The following DCC variants were observed in gnomAD, a reference collection of about 807,000 sequenced individuals.
DCC encodes the protein netrin receptor DCC.
Under a neutral mutation model 172.5 loss-of-function variants are expected in DCC, and 58 were observed. That is an observed-to-expected ratio of 0.34 (90% CI 0.27 to 0.42). DCC has a LOEUF of 0.42. Ranked by LOEUF, DCC falls within the 10% of genes least tolerant of loss-of-function variation. The pLI is 1.00. For missense variants in DCC, 1,740 were observed against 1,791.0 expected (o/e 0.97, Z 0.51); for synonymous variants, 709 against 644.5 (o/e 1.10, Z -1.52).
At chr18:52,664,037 C>T (rs971247423) in intron 1 of DCC, among the ~76,000 whole-genome samples, 24 of 152,166 alleles carry the variant, frequency 1.6e-4, no homozygotes, top group Non-Finnish European at 1.5e-4. Context: ...AGAGTGGTCA[C>T]TTCTAAAAGC....
intron 1 of DCC, among the ~76,000 whole-genome samples, chr18:52,700,393 A>C (rs1160729454): frequency 6.6e-6 from 1 of 151,340 alleles, no homozygotes; most frequent in Non-Finnish European, 1.5e-5. Context: ...ACACTCATGC[A>C]CATGCACACA....
Position 53,040,906 on chromosome 18 carries a change from G to A in DCC, c.986-22399G>A, listed in dbSNP as rs368696065. On this transcript the variant is annotated intron_variant, in intron 5 of 28. Transcript: ENST00000442544. ...GTAGAGATAAAAGTTGAAGGGTGCA[G>A]GCAGTAAGAATGCCAAGGATAAGAT... Among the ~76,000 whole-genome samples the A allele has an allele frequency of 4.6e-5, 7 of 151,984 alleles. No individual in the cohort carries two copies. The East Asian group carries it at 1.2e-3, about 25-fold the overall frequency.
intron 2 of DCC, among the ~76,000 whole-genome samples, chr18:52,874,704 T>C (rs1486244389): frequency 6.6e-6 from 1 of 152,076 alleles, no homozygotes; most frequent in Admixed American, 6.6e-5. Flanking sequence ...GAAATGGCCA[T>C]TGAGATACAG....
intron 2 of DCC, among the ~76,000 whole-genome samples, chr18:52,880,099 T>C (rs1030628301): frequency 6.6e-6 from 1 of 152,016 alleles, no homozygotes; most frequent in Non-Finnish European, 1.5e-5. Flanking sequence ...GTCACTCCGT[T>C]GTGCTATCAA....
chr18:52,818,570 C>T (rs1165715098), intron 2 of DCC, among the ~76,000 whole-genome samples: 2 of 151,968 alleles, frequency 1.3e-5, no homozygotes, highest in African/African-American at 4.8e-5. Flanking sequence ...TGCAAATGGC[C>T]TGCTCTGGGA....
chr18:53,504,032 T>C (rs1254017120), intron 27 of DCC, among the ~76,000 whole-genome samples: 1 of 152,218 alleles, frequency 6.6e-6, no homozygotes, highest in Non-Finnish European at 1.5e-5. Flanking sequence ...TTAATTTGTC[T>C]GAGGACTGAA....
chr18:52,502,672 A>T (rs558828288), intron 1 of DCC, among the ~76,000 whole-genome samples: 2 of 151,396 alleles, frequency 1.3e-5, no homozygotes, highest in Non-Finnish European at 3.0e-5. Context: ...TCCAATTTGG[A>T]AGCTGACAAA....
At chr18:52,817,458 G>T (rs2038321493) in intron 2 of DCC, among the ~76,000 whole-genome samples, 1 of 151,902 alleles carries the variant, frequency 6.6e-6, no homozygotes. Context: ...TAAATGATTT[G>T]GTGATTAGTA....
intron 1 of DCC, among the ~76,000 whole-genome samples, chr18:52,700,411 A>C (rs1318131129): frequency 6.6e-6 from 1 of 152,078 alleles, no homozygotes; most frequent in Non-Finnish European, 1.5e-5. Flanking sequence ...ACACACACGC[A>C]CATGCACACA....
intron 1 of DCC, among the ~76,000 whole-genome samples, chr18:52,603,052 T>G (rs2034051185): frequency 6.6e-6 from 1 of 152,112 alleles, no homozygotes; most frequent in African/African-American, 2.4e-5. Context: ...AACACAGTGC[T>G]TTTGAACATG....
At chr18:52,771,404 C>T (rs908581152) in intron 2 of DCC, among the ~76,000 whole-genome samples, 6 of 152,154 alleles carry the variant, frequency 3.9e-5, no homozygotes, top group African/African-American at 7.2e-5. Context: ...ATTTCTCTAG[C>T]GCTTTCTCCC....
intron 1 of DCC, among the ~76,000 whole-genome samples, chr18:52,583,311 G>A (rs117647380): frequency 0.017 from 2,582 of 152,248 alleles, 27 homozygotes; most frequent in South Asian, 0.026. Flanking sequence ...CTTCTGAAGA[G>A]CACAAAGGCT....
At chr18:52,816,099 A>C (rs1174846880) in intron 2 of DCC, among the ~76,000 whole-genome samples, 1 of 152,200 alleles carries the variant, frequency 6.6e-6, no homozygotes, top group Non-Finnish European at 1.5e-5. Flanking sequence ...TGTGCTAGGG[A>C]GATACTATTA....
At chr18:52,861,418 G>A (rs1193290719) in intron 2 of DCC, among the ~76,000 whole-genome samples, 1 of 152,182 alleles carries the variant, frequency 6.6e-6, no homozygotes, top group African/African-American at 2.4e-5. Context: ...GTACCCACAA[G>A]TGTGTCCTCT....
At chr18:52,690,360 G>A (rs2035912591) in intron 1 of DCC, among the ~76,000 whole-genome samples, 1 of 152,182 alleles carries the variant, frequency 6.6e-6, no homozygotes, top group South Asian at 2.1e-4. Flanking sequence ...ATTGAGGGCA[G>A]TAGAGGCTTC....
intron 21 of DCC, among the ~76,000 whole-genome samples, chr18:53,427,481 TA>T (rs1440986797): frequency 6.6e-6 from 1 of 152,086 alleles, no homozygotes; most frequent in Non-Finnish European, 1.5e-5. Flanking sequence ...TAATAACTAA[TA>T]AACATATTGG....
chr18:52,702,464 C>T (rs1933997865), intron 1 of DCC, among the ~76,000 whole-genome samples: 1 of 152,172 alleles, frequency 6.6e-6, no homozygotes, highest in African/African-American at 2.4e-5. Context: ...TCTTATACAA[C>T]CCAGTTTTCT....
chr18:52,713,259 T>A (rs937210524), intron 1 of DCC, among the ~76,000 whole-genome samples: 3 of 152,240 alleles, frequency 2.0e-5, no homozygotes, highest in African/African-American at 7.2e-5. Flanking sequence ...GTTTAACCTC[T>A]GCTTACATGG....
At chr18:52,853,489 C>T (rs1181771019) in intron 2 of DCC, among the ~76,000 whole-genome samples, 1 of 152,140 alleles carries the variant, frequency 6.6e-6, no homozygotes, top group African/African-American at 2.4e-5. Context: ...GTGAAACTAG[C>T]AGAAAAACCA....
Sources: allele counts gnomAD v4.1 joint callset (sites outside exome capture counted in the v4.1 genomes callset), GRCh38; gene constraint gnomAD v4.1.1; transcripts MANE v1.5; gene names NCBI Gene and HGNC (gene_info 2026-07-23, HGNC 2026-07-21).